The following KIRREL1 variants were observed in gnomAD, a reference collection of about 807,000 sequenced individuals.
KIRREL1 encodes kirre like nephrin family adhesion molecule 1, also known as kin of IRRE-like protein 1.
In KIRREL1, 25 loss-of-function variants were observed where a neutral mutation model predicts 83.3. That is an observed-to-expected ratio of 0.30 (90% CI 0.22 to 0.42). KIRREL1 has a LOEUF of 0.42. KIRREL1 is among the 10% of genes least tolerant of loss of function. The probability of loss-of-function intolerance (pLI) is 1.00; values close to 1 mark genes in which losing one functional copy is unlikely to be tolerated. For synonymous variants in KIRREL1, 388 were observed against 410.4 expected, an observed-to-expected ratio of 0.95 and a Z score of 0.66; for missense variants, 812 against 1,032.3, an observed-to-expected ratio of 0.79 and a Z score of 2.92.
intron 1 of KIRREL1, among the ~76,000 whole-genome samples, chr1:158,045,597 T>C (rs745465514): frequency 4.6e-5 from 7 of 152,204 alleles, no homozygotes; most frequent in Non-Finnish European, 1.0e-4. Context: ...CCCTGTGGAA[T>C]CAAGACGTTT....
At chr1:158,043,036 G>A (rs12047033) in intron 1 of KIRREL1, among the ~76,000 whole-genome samples, 119,059 of 149,412 alleles carry the variant, frequency 0.8, 48,316 homozygotes, top group East Asian at 0.99. Flanking sequence ...TGCAGTGAGC[G>A]GAGATTGCAC....
chr1:158,045,103 G>A (rs1660739655), intron 1 of KIRREL1, among the ~76,000 whole-genome samples: 1 of 152,192 alleles, frequency 6.6e-6, no homozygotes, highest in South Asian at 2.1e-4. Flanking sequence ...GGTCCTGAGG[G>A]GAAAATGCAC....
chr1:158,097,259 A>T lies in KIRREL1; in HGVS notation c.*2139A>T, dbSNP rs1662378986. ...GCAAATTTCTATTATTTTCACAAAA[A>T]CCAGAAACCATGGGGGAATCCAAAG... On this transcript the variant is annotated 3_prime_UTR_variant, in exon 15 of 15. Coordinates refer to ENST00000359209, the MANE Select transcript of KIRREL1 (RefSeq NM_018240.7). The T allele has an allele frequency of 1.0e-5, 3 of 296,108 alleles. No homozygotes were observed. Among genetic ancestry groups the T allele is most frequent in the South Asian group, 8.0e-5 (3 of 37,354 alleles). The allele number at this position is 296,108 out of a possible 1,614,324, so 18.3% of individuals were successfully genotyped here. A position where few individuals can be genotyped will look rare whatever the true frequency, so the allele number is the denominator to read the frequency against.
At chr1:158,029,337 C>CTGTGTCTGTGTGTGTGTG (rs1660254029) in intron 1 of KIRREL1, among the ~76,000 whole-genome samples, 1 of 69,262 alleles carries the variant, frequency 1.4e-5, no homozygotes, top group Admixed American at 1.6e-4. Context: ...TAACAAAAAC[C>CTGTGTCTGTGTGTGTGTG]TGTGTGTGTG....
At position 158,020,600 on chromosome 1, in the gene KIRREL1, C is replaced by CAAAAAAAAAAAA. The variant is rs370156588; in HGVS notation, c.52+26883_52+26894dup. On this transcript the variant is annotated intron_variant, in intron 1 of 14. Coordinates refer to ENST00000359209, the MANE Select transcript of KIRREL1 (RefSeq NM_018240.7). ...GCAGAATGACTGCCATACAGTAAAT[C>CAAAAAAAAAAAA]AAAAAAAAAAAAAAAAAAAAAAGCC... is the stretch of plus-strand genomic sequence containing the variant. Among the ~76,000 whole-genome samples, 26 of 83,658 alleles carry CAAAAAAAAAAAA rather than the reference C, an allele frequency of 3.1e-4. 1 individual carries two copies. The highest frequency in any genetic ancestry group is 0.015 in the Middle Eastern group (1 of 68). 54.9% of individuals were successfully genotyped at this position (83,658 alleles called of 152,430 possible).
Position 158,097,044 on chromosome 1 carries a change from A to G in KIRREL1, c.*1924A>G, listed in dbSNP as rs6427420. On this transcript the variant is annotated 3_prime_UTR_variant, in exon 15 of 15. Coordinates refer to ENST00000359209, the MANE Select transcript of KIRREL1 (RefSeq NM_018240.7). ...AGCAAGTAGCTCTAATTTTAACTTC[A>G]CAGGAAGTCTGTGCATCCTCCTTCA... 236,511 of 456,568 alleles carry G rather than the reference A, an allele frequency of 0.52. 64,119 individuals are homozygous for G. Among genetic ancestry groups the G allele is most frequent in the East Asian group, 0.69 (9,931 of 14,372 alleles). The allele number at this position is 456,568 out of a possible 1,614,324, so 28.3% of individuals were successfully genotyped here.
chr1:158,052,647 G>A (rs562724194), intron 1 of KIRREL1, among the ~76,000 whole-genome samples: 88 of 151,802 alleles, frequency 5.8e-4, no homozygotes, highest in African/African-American at 1.9e-3. Flanking sequence ...ATAGCCGGGC[G>A]TGGTGGCGGG....
At chr1:158,020,430 T>C (rs1013850690) in intron 1 of KIRREL1, among the ~76,000 whole-genome samples, 7 of 152,062 alleles carry the variant, frequency 4.6e-5, no homozygotes, top group African/African-American at 1.7e-4. Context: ...CAAATTGCTT[T>C]GAAATTCCAA....
intron 3 of KIRREL1, 73 bp from the exon 4 acceptor site, chr1:158,084,349 G>C: frequency 7.0e-7 from 1 of 1,423,282 alleles, no homozygotes; most frequent in Non-Finnish European, 9.5e-7. Flanking sequence ...GATGCTTCCA[G>C]AGGCAGGAGT....
At chr1:158,070,433 G>A (rs1339648413) in intron 1 of KIRREL1, among the ~76,000 whole-genome samples, 1 of 152,186 alleles carries the variant, frequency 6.6e-6, no homozygotes, top group Non-Finnish European at 1.5e-5. Context: ...TCGGTGCCTG[G>A]CACATAGTTG....
intron 1 of KIRREL1, among the ~76,000 whole-genome samples, chr1:158,045,513 C>A (rs953155624): frequency 1.6e-4 from 24 of 152,170 alleles, no homozygotes; most frequent in African/African-American, 4.8e-4. Flanking sequence ...GGATATAAAT[C>A]TGGATGAACC....
At chr1:157,994,715 A>C (rs1177809766) in intron 1 of KIRREL1, among the ~76,000 whole-genome samples, 1 of 152,136 alleles carries the variant, frequency 6.6e-6, no homozygotes, top group Admixed American at 6.5e-5. Context: ...TGGAGCTGAC[A>C]CACAGAAATT....
intron 1 of KIRREL1, among the ~76,000 whole-genome samples, chr1:158,022,059 G>T (rs1660015955): frequency 6.6e-6 from 1 of 152,074 alleles, no homozygotes; most frequent in Non-Finnish European, 1.5e-5. Flanking sequence ...GTGGGGCTCG[G>T]TGGGTAGTTA....
At chr1:158,050,318 A>G (rs955019192) in intron 1 of KIRREL1, among the ~76,000 whole-genome samples, 25 of 152,016 alleles carry the variant, frequency 1.6e-4, no homozygotes, top group African/African-American at 5.8e-4. Context: ...GATTTAATCC[A>G]ATCCTCTTAT....
chr1:158,082,711 T>C (rs368536125), intron 3 of KIRREL1, among the ~76,000 whole-genome samples: 9 of 152,288 alleles, frequency 5.9e-5, no homozygotes, highest in African/African-American at 7.2e-5. Flanking sequence ...CTCATGCTTG[T>C]AATCCCAGCA....
At chr1:158,077,676 G>T (rs1028784028) in intron 2 of KIRREL1, among the ~76,000 whole-genome samples, 2 of 152,094 alleles carry the variant, frequency 1.3e-5, no homozygotes, top group Non-Finnish European at 2.9e-5. Context: ...CCTCTCCTTT[G>T]CTCCCTGCTG....
rs910757763 is a variant in KIRREL1, at chr1:158,097,232, A to G, written c.*2112A>G. 9 of 333,662 alleles carry G rather than the reference A, an allele frequency of 2.7e-5. No homozygotes were observed. Among genetic ancestry groups the G allele is most frequent in the African/African-American group, 4.3e-5 (2 of 46,298 alleles). The allele number at this position is 333,662 out of a possible 1,614,324, so 20.7% of individuals were successfully genotyped here. A position where few individuals can be genotyped will look rare whatever the true frequency, so the allele number is the denominator to read the frequency against. On this transcript the variant is annotated 3_prime_UTR_variant, in exon 15 of 15. Coordinates refer to ENST00000359209, the MANE Select transcript of KIRREL1 (RefSeq NM_018240.7). ...TTCAGGTTCTTGTACAGACAAATTC[A>G]TGCAAATTTCTATTATTTTCACAAA...
At chr1:157,994,616 G>A (rs1250109019) in intron 1 of KIRREL1, among the ~76,000 whole-genome samples, 2 of 152,040 alleles carry the variant, frequency 1.3e-5, no homozygotes, top group African/African-American at 4.8e-5. Context: ...ACTGCAGCAG[G>A]GACTGGGGTC....
chr1:158,053,045 C>T (rs1417209918), intron 1 of KIRREL1, among the ~76,000 whole-genome samples: 3 of 152,164 alleles, frequency 2.0e-5, no homozygotes, highest in Admixed American at 6.5e-5. Flanking sequence ...TGGAGATCTG[C>T]CCCCATTACC....
Sources: allele counts gnomAD v4.1 joint callset (sites outside exome capture counted in the v4.1 genomes callset), GRCh38; gene constraint gnomAD v4.1.1; transcripts MANE v1.5; gene names NCBI Gene and HGNC (gene_info 2026-07-23, HGNC 2026-07-21).